The following HSPBAP1 variants were observed in gnomAD, a reference collection of about 807,000 sequenced individuals.
HSPBAP1 encodes HSPB1-associated protein 1.
A neutral mutation model predicts 45.2 loss-of-function variants in HSPBAP1; 27 were observed. The ratio of observed to expected loss-of-function variants is 0.60; its 90% CI spans 0.44 to 0.82. HSPBAP1 has a LOEUF of 0.82. Ranked by LOEUF, HSPBAP1 falls within the 40% of genes least tolerant of loss-of-function variation. HSPBAP1 has a pLI of 0.00. For synonymous variants in HSPBAP1, 204 were observed against 202.7 expected, an observed-to-expected ratio of 1.01 and a Z score of -0.06; for missense variants, 510 against 590.9, an observed-to-expected ratio of 0.86 and a Z score of 1.42.
chr3:122,776,236 C>T (rs1395507937), intron 2 of HSPBAP1, among the ~76,000 whole-genome samples: 5 of 152,134 alleles, frequency 3.3e-5, no homozygotes, highest in African/African-American at 4.8e-5. Flanking sequence ...CAATGAATTG[C>T]ATACTTTTAA....
At chr3:122,764,728 G>GA (rs1319861815) in intron 3 of HSPBAP1, among the ~76,000 whole-genome samples, 1 of 152,152 alleles carries the variant, frequency 6.6e-6, no homozygotes, top group Non-Finnish European at 1.5e-5. Flanking sequence ...ATTTGTGACA[G>GA]TACAAAACAA....
Position 122,777,693 on chromosome 3 carries a change from T to A in HSPBAP1, c.250+28A>T, listed in dbSNP as rs748302908. The stretch of plus-strand genomic sequence containing the variant: ...ATGTAGGGATGCTCCTGAAGAGACA[T>A]TATGATGGTGATTACCTATAGTCAT... On this transcript the variant is annotated intron_variant, in intron 2 of 7. Coordinates refer to ENST00000306103, the MANE Select transcript of HSPBAP1 (RefSeq NM_024610.6). 3.9e-6 allele frequency: 6 copies of A among 1,536,738 alleles called. No homozygotes were observed. The African/African-American group carries it at 8.2e-5, about 21-fold the overall frequency.
chr3:122,766,160 G>T (rs901991278), intron 3 of HSPBAP1, among the ~76,000 whole-genome samples: 2 of 152,096 alleles, frequency 1.3e-5, no homozygotes, highest in Non-Finnish European at 1.5e-5. Flanking sequence ...AACATTTTTT[G>T]AATATAGTTA....
Position 122,768,859 on chromosome 3 carries a change from T to TTGAA in HSPBAP1, c.273_274insTTCA (p.Asn92PhefsTer17). 3.1e-6 allele frequency: 5 copies of TTGAA among 1,610,938 alleles called. No homozygotes were observed. Among genetic ancestry groups the TTGAA allele is most frequent in the Non-Finnish European group, 4.2e-6 (5 of 1,177,370 alleles). On this transcript the variant is annotated frameshift_variant, in exon 3 of 8. Transcript: ENST00000306103. LOFTEE classifies it high-confidence loss of function. ...TCTTCGAGTGTAGCTTCTACGTAAT[T>TTGAA]ACATGTAGTTTCAAACTGAGGAACT... is the stretch of plus-strand genomic sequence containing the variant.
chr3:122,776,163 A>G lies in HSPBAP1; in HGVS notation c.250+1558T>C, dbSNP rs1484886363. On this transcript the variant is annotated intron_variant, in intron 2 of 7. Transcript: ENST00000306103. ...GGGTACTGGGCTTATTTATGGGATA[A>G]TAGCAATATTCTAGAATTAGATAGT... Among the ~76,000 whole-genome samples, 3 of 152,250 alleles carry G rather than the reference A, an allele frequency of 2.0e-5. No homozygotes were observed. The South Asian group carries it at 6.2e-4, about 31-fold the overall frequency.
At chr3:122,745,594 CCT>C (rs1933819065) in intron 6 of HSPBAP1, among the ~76,000 whole-genome samples, 2 of 152,184 alleles carry the variant, frequency 1.3e-5, no homozygotes, top group Non-Finnish European at 2.9e-5. Context: ...ACATCACCTG[CCT>C]CTGAGTCACT....
chr3:122,787,178 A>G (rs1029496691), intron 1 of HSPBAP1, among the ~76,000 whole-genome samples: 2 of 152,216 alleles, frequency 1.3e-5, no homozygotes, highest in Admixed American at 6.5e-5. Context: ...TCTCTCTCCA[A>G]ATGTAGGATG....
intron 1 of HSPBAP1, among the ~76,000 whole-genome samples, chr3:122,789,750 T>C (rs1306614794): frequency 6.6e-6 from 1 of 152,332 alleles, no homozygotes; most frequent in Admixed American, 6.5e-5. Context: ...CCAAGGTGAT[T>C]AGTTCCACGA....
At chr3:122,763,317 C>A (rs556090003) in intron 3 of HSPBAP1, among the ~76,000 whole-genome samples, 4 of 152,180 alleles carry the variant, frequency 2.6e-5, no homozygotes, top group African/African-American at 9.6e-5. Flanking sequence ...ACACTGGGAA[C>A]CTTCTGGACA....
At chr3:122,771,743 T>A (rs78437669) in intron 2 of HSPBAP1, among the ~76,000 whole-genome samples, 8,247 of 152,294 alleles carry the variant, frequency 0.054, 289 homozygotes, top group Middle Eastern at 0.11. Context: ...AAATGCTATG[T>A]GATGTTCTCT....
intron 5 of HSPBAP1, 118 bp downstream of exon 5, chr3:122,755,142 G>A (rs1934298390): frequency 8.3e-7 from 1 of 1,204,730 alleles, no homozygotes; most frequent in South Asian, 3.1e-5. Context: ...AGAGCAGAGG[G>A]AAGGAAGCCA....
chr3:122,784,423 C>T (rs1231741234), intron 1 of HSPBAP1, among the ~76,000 whole-genome samples: 1 of 151,990 alleles, frequency 6.6e-6, no homozygotes, highest in African/African-American at 2.4e-5. Context: ...ACTATAACAA[C>T]AAAAAATGTA....
chr3:122,742,546 G>C (rs1933704641), intron 6 of HSPBAP1, among the ~76,000 whole-genome samples: 1 of 152,184 alleles, frequency 6.6e-6, no homozygotes. Flanking sequence ...GATTAATTTT[G>C]AGTCAAGGTG....
At chr3:122,793,543 C>A (rs912363822) in intron 1 of HSPBAP1, 74 bp downstream of exon 1, 55 of 1,376,360 alleles carry the variant, frequency 4.0e-5, no homozygotes, top group Non-Finnish European at 5.3e-5. Flanking sequence ...AGGCAAACGG[C>A]CCCACGAGGG....
At chr3:122,780,842 G>T (rs1935430978) in intron 1 of HSPBAP1, among the ~76,000 whole-genome samples, 1 of 145,984 alleles carries the variant, frequency 6.9e-6, no homozygotes, top group Non-Finnish European at 1.5e-5. Context: ...CTCAGACGGG[G>T]CGGCCGGGCA....
intron 3 of HSPBAP1, among the ~76,000 whole-genome samples, chr3:122,762,696 A>C (rs1934639893): frequency 6.6e-6 from 1 of 152,206 alleles, no homozygotes; most frequent in Non-Finnish European, 1.5e-5. Context: ...TCTTTTTGTC[A>C]TGAATTTTTA....
chr3:122,771,881 A>G (rs1935013035), intron 2 of HSPBAP1, among the ~76,000 whole-genome samples: 1 of 152,240 alleles, frequency 6.6e-6, no homozygotes, highest in Non-Finnish European at 1.5e-5. Context: ...TAAGAAATAC[A>G]CTCAACAGAG....
chr3:122,769,810 G>A (rs796802879), intron 2 of HSPBAP1, among the ~76,000 whole-genome samples: 6 of 152,310 alleles, frequency 3.9e-5, no homozygotes, highest in African/African-American at 1.4e-4. Context: ...CTCTCAAGTA[G>A]CTAGGACTAG....
intron 1 of HSPBAP1, among the ~76,000 whole-genome samples, chr3:122,779,884 TGA>T (rs1417009486): frequency 6.6e-6 from 1 of 151,860 alleles, no homozygotes; most frequent in African/African-American, 2.4e-5. Context: ...CAGAACAAAA[TGA>T]AAAGTCTCCC....
Sources: gnomAD v4.1 joint callset for allele counts (sites outside exome capture counted in the v4.1 genomes callset) on GRCh38, gnomAD v4.1.1 for gene constraint, MANE v1.5 for transcripts, NCBI Gene and HGNC (gene_info 2026-07-23, HGNC 2026-07-21) for gene names.